The following UNC13B variants were observed in gnomAD, a reference collection of about 807,000 sequenced individuals.
The protein encoded by UNC13B is protein unc-13 homolog B.
UNC13B carries 144 observed loss-of-function variants against 211.0 expected under a neutral mutation model. That is an observed-to-expected ratio of 0.68 (90% CI 0.60 to 0.78). UNC13B has a LOEUF of 0.78. UNC13B is among the 30% of genes least tolerant of loss of function. The pLI is 0.00. For synonymous variants in UNC13B, 709 were observed against 725.8 expected (o/e 0.98, Z 0.37); for missense variants, 1,777 against 2,002.0 (o/e 0.89, Z 2.14).
rs774604013 is a variant in UNC13B at position 35,382,392 on chromosome 9, C to T, written c.10691C>T (p.Pro3564Leu). ...FACLSSKYMC[P>L]GVPAVMSTLL... ...TGTTTATCATCCAAGTACATGTGTCCTGGTGTGCCAGCAGTGATGAGCACC... is the reference window on the plus strand; with the variant it reads ...TGTTTATCATCCAAGTACATGTGTCTTGGTGTGCCAGCAGTGATGAGCACC... Residue 3564 changes from proline to leucine, a missense_variant, in exon 21 of 40, where the codon CCT (proline) becomes CTT (leucine). By Grantham distance (98) the Pro-to-Leu change is moderately conservative. Coordinates refer to ENST00000635942, the MANE Select transcript of UNC13B (RefSeq NM_001371189.2). 1 of 1,613,948 alleles carries T rather than the reference C, an allele frequency of 6.2e-7. No homozygotes were observed. The highest frequency in any genetic ancestry group is 8.5e-7 in the Non-Finnish European group (1 of 1,179,992).
In UNC13B at chr9:35,390,044, T is replaced by C; in HGVS notation, c.11222+71T>C. 4 of 1,593,362 alleles carry C rather than the reference T, an allele frequency of 2.5e-6. 1 individual carries two copies. The South Asian group carries it at 4.5e-5, about 18-fold the overall frequency. ...CCATCTGTCTAACAACCTCTTTCTT[T>C]CCTGTCTCTGTATGTTTGCAGTGCC... On this transcript the variant is annotated intron_variant, in intron 25 of 39. Coordinates refer to ENST00000635942, the MANE Select transcript of UNC13B (RefSeq NM_001371189.2).
At chr9:35,206,872 CAAA>C (rs35378310) in intron 1 of UNC13B, among the ~76,000 whole-genome samples, 7 of 113,100 alleles carry the variant, frequency 6.2e-5, no homozygotes, top group Non-Finnish European at 5.7e-5. Flanking sequence ...GACTCCATCT[CAAA>C]AAAAAAAAAA....
At chr9:35,175,628 T>TTA (rs141803624) in intron 1 of UNC13B, among the ~76,000 whole-genome samples, 7,169 of 152,142 alleles carry the variant, frequency 0.047, 407 homozygotes, top group East Asian at 0.32. Flanking sequence ...AGGCAGTGTA[T>TTA]TATAGTAGCT....
At chr9:35,348,989 C>T (rs1832543314) in intron 11 of UNC13B, among the ~76,000 whole-genome samples, 1 of 152,054 alleles carries the variant, frequency 6.6e-6, no homozygotes, top group Admixed American at 6.6e-5. Context: ...GCGATCTTGG[C>T]TCACCGCAAC....
intron 1 of UNC13B, among the ~76,000 whole-genome samples, chr9:35,185,490 T>G (rs982582543): frequency 1.3e-5 from 2 of 152,230 alleles, no homozygotes; most frequent in Non-Finnish European, 2.9e-5. Flanking sequence ...TGCACCTCAT[T>G]GCATCCAAAG....
intron 17 of UNC13B, among the ~76,000 whole-genome samples, chr9:35,380,035 T>A (rs956459528): frequency 6.6e-6 from 1 of 152,064 alleles, no homozygotes; most frequent in Non-Finnish European, 1.5e-5. Flanking sequence ...AGCCAAACAG[T>A]TATAACCCTA....
chr9:35,399,230 G>C lies in UNC13B; in HGVS notation c.12144G>C (p.Val4048=). ...GTGTACTGAAGGAGCTCTGGCGCGT[G>C]GTGATGAACACAATGGAGAGGATGA... ...LKRVLKELWR[V]VMNTMERMIV... is the part of the protein sequence containing the mutation. Residue 4048 remains valine, a synonymous_variant, in exon 34 of 40, where the codon GTG becomes GTC. Coordinates refer to ENST00000635942, the MANE Select transcript of UNC13B (RefSeq NM_001371189.2). 4.3e-6 allele frequency: 7 copies of C among 1,614,122 alleles called. No homozygotes were observed. The highest frequency in any genetic ancestry group is 5.9e-6 in the Non-Finnish European group (7 of 1,180,008).
In UNC13B at chr9:35,404,427, A is replaced by G; in HGVS notation, c.*394A>G. 1 of 210,254 alleles carries G rather than the reference A, an allele frequency of 4.8e-6. No individual in the cohort carries two copies. Among genetic ancestry groups the G allele is most frequent in the Non-Finnish European group, 9.7e-6 (1 of 103,166 alleles). The allele number at this position is 210,254 out of a possible 1,614,324, so 13.0% of individuals were successfully genotyped here. A position where few individuals can be genotyped will look rare whatever the true frequency, so the allele number is the denominator to read the frequency against. ...CAATCATTAGAAGAACAAGTTTAGA[A>G]GGTGTGGAACTTGTGCCTGGCTGGC... On this transcript the variant is annotated 3_prime_UTR_variant, in exon 40 of 40. Coordinates refer to ENST00000635942, the MANE Select transcript of UNC13B (RefSeq NM_001371189.2).
At chr9:35,350,535 A>G (rs186909272) in intron 11 of UNC13B, among the ~76,000 whole-genome samples, 1 of 152,276 alleles carries the variant, frequency 6.6e-6, no homozygotes, top group African/African-American at 2.4e-5. Flanking sequence ...TATTAAGTGG[A>G]GCTCAGGAGC....
At chr9:35,322,004 AT>A (rs1341277591) in intron 11 of UNC13B, among the ~76,000 whole-genome samples, 1 of 152,246 alleles carries the variant, frequency 6.6e-6, no homozygotes, top group Non-Finnish European at 1.5e-5. Flanking sequence ...ATTTGAATAT[AT>A]CTCATAAGTT....
chr9:35,369,234 G>C (rs559676610), intron 12 of UNC13B, among the ~76,000 whole-genome samples: 52 of 152,168 alleles, frequency 3.4e-4, no homozygotes, highest in Non-Finnish European at 6.9e-4. Flanking sequence ...TTTTCTGTTG[G>C]GATATTTCTG....
At chr9:35,292,205 A>G (rs1395349204) in intron 7 of UNC13B, among the ~76,000 whole-genome samples, 2 of 152,166 alleles carry the variant, frequency 1.3e-5, no homozygotes, top group Non-Finnish European at 2.9e-5. Flanking sequence ...CAATCCAGGA[A>G]TACCACATAC....
At chr9:35,349,767 C>T (rs1927957) in intron 11 of UNC13B, among the ~76,000 whole-genome samples, 12,373 of 152,200 alleles carry the variant, frequency 0.081, 658 homozygotes, top group East Asian at 0.3. Context: ...ATCCCAAGTC[C>T]TCTGACTCGT....
At chr9:35,199,207 G>A (rs1823123123) in intron 1 of UNC13B, among the ~76,000 whole-genome samples, 1 of 152,130 alleles carries the variant, frequency 6.6e-6, no homozygotes, top group Non-Finnish European at 1.5e-5. Flanking sequence ...ATTCCACGGT[G>A]TATATGTGCC....
intron 32 of UNC13B, 39 bp downstream of exon 32, chr9:35,398,681 G>A (rs764739779): frequency 6.2e-7 from 1 of 1,608,792 alleles, no homozygotes; most frequent in Non-Finnish European, 8.5e-7. Context: ...AGAGCCAGAT[G>A]TGGTCCCTAG....
chr9:35,390,902 A>G (rs1835491440), intron 26 of UNC13B, among the ~76,000 whole-genome samples, 188 bp downstream of exon 26: 1 of 152,228 alleles, frequency 6.6e-6, no homozygotes, highest in South Asian at 2.1e-4. Flanking sequence ...GCCAAAGGAC[A>G]TATGAAAATG....
intron 1 of UNC13B, among the ~76,000 whole-genome samples, chr9:35,204,318 C>T (rs919569257): frequency 6.6e-6 from 1 of 152,170 alleles, no homozygotes; most frequent in Non-Finnish European, 1.5e-5. Flanking sequence ...TAGTGCAGTG[C>T]AGAGGGGAAA....
chr9:35,183,512 G>A (rs1413023710), intron 1 of UNC13B, among the ~76,000 whole-genome samples: 5 of 122,916 alleles, frequency 4.1e-5, no homozygotes, highest in Admixed American at 1.6e-4. Flanking sequence ...CGGGGCGGCC[G>A]GGCAGAGGCT....
intron 1 of UNC13B, among the ~76,000 whole-genome samples, chr9:35,187,614 A>G (rs1041468596): frequency 6.6e-6 from 1 of 152,224 alleles, no homozygotes; most frequent in African/African-American, 2.4e-5. Context: ...GTGCAGAAAG[A>G]ATGATTTCTA....
Sources: allele counts gnomAD v4.1 joint callset (sites outside exome capture counted in the v4.1 genomes callset), GRCh38; gene constraint gnomAD v4.1.1; transcripts MANE v1.5; gene names NCBI Gene and HGNC (gene_info 2026-07-23, HGNC 2026-07-21).